Variants in SLC9A1 observed in about 807,000 individuals in gnomAD.
SLC9A1 encodes the protein solute carrier family 9 member A1.
In SLC9A1, 22 loss-of-function variants were observed where a neutral mutation model predicts 67.9. The ratio of observed to expected loss-of-function variants is 0.32; its 90% confidence interval spans 0.23 to 0.46. SLC9A1 has a LOEUF of 0.46. Among genes scored for constraint, SLC9A1 ranks in the 20% least tolerant of loss-of-function variants. SLC9A1 has a pLI of 1.00. For synonymous variants in SLC9A1, 421 were observed against 471.8 expected, an observed-to-expected ratio of 0.89 and a Z score of 1.40; for missense variants, 686 against 1,094.8, an observed-to-expected ratio of 0.63 and a Z score of 5.27.
intron 1 of SLC9A1, among the ~76,000 whole-genome samples, chr1:27,138,933 T>C (rs937174553): frequency 6.6e-6 from 1 of 152,042 alleles, no homozygotes. Context: ...CAGACAGCAG[T>C]GGAGCCGCAA....
intron 2 of SLC9A1, 76 bp downstream of exon 2, chr1:27,113,750 G>T: frequency 1.9e-6 from 2 of 1,072,364 alleles, no homozygotes; most frequent in Non-Finnish European, 2.8e-6. Flanking sequence ...ATTAGCGGGT[G>T]GATGAGGGAT....
At chr1:27,130,123 CAG>C (rs1367931786) in intron 1 of SLC9A1, among the ~76,000 whole-genome samples, 3 of 152,182 alleles carry the variant, frequency 2.0e-5, no homozygotes, top group Non-Finnish European at 2.9e-5. Flanking sequence ...TTTTTTGAGA[CAG>C]AGTCTCATTC....
rs1410740684 is a variant in SLC9A1, at chr1:27,137,221, A to G, written c.352+16762T>C. The stretch of plus-strand genomic sequence containing the variant: ...GGTGCTCAGAGGCAGGCTGAAAAGA[A>G]AGTGGGACAGGCAGGAGGCCGCCTC... On this transcript the variant is annotated intron_variant, in intron 1 of 11. Transcript: ENST00000263980. The surrounding 1 kb of genome is among the most constrained non-coding windows in gnomAD (Gnocchi z 4.6). 6.6e-6 allele frequency among the ~76,000 whole-genome samples: 1 copy of G among 152,248 alleles called. No individual in the cohort carries two copies. The highest frequency in any genetic ancestry group is 1.5e-5 in the Non-Finnish European group (1 of 68,040).
intron 1 of SLC9A1, among the ~76,000 whole-genome samples, chr1:27,138,163 C>T (rs997388493): frequency 1.3e-5 from 2 of 152,230 alleles, no homozygotes; most frequent in African/African-American, 4.8e-5. Flanking sequence ...CCCAGGCCCA[C>T]GGGCCTGGCA....
intron 1 of SLC9A1, among the ~76,000 whole-genome samples, chr1:27,146,308 T>G (rs1454647653): frequency 6.6e-6 from 1 of 152,156 alleles, no homozygotes; most frequent in African/African-American, 2.4e-5. Flanking sequence ...CACTCCTGTA[T>G]TTTTCTGCAT....
rs182384315 is a variant in SLC9A1 at position 27,101,856 on chromosome 1, G to A, written c.1936-30C>T. 1,177 of 1,558,578 alleles carry A rather than the reference G, an allele frequency of 7.6e-4. No homozygotes were observed. Among genetic ancestry groups the A allele is most frequent in the Non-Finnish European group, 9.3e-4 (1,050 of 1,132,750 alleles). ...GGGAGGGACAGCGTCAGGGCAGTGC[G>A]GGCCCCGGAAGGCTCTGCTCATGGA... On this transcript the variant is annotated intron_variant, in intron 9 of 11. Transcript: ENST00000263980. This position sits in a 1 kb window ranked among gnomAD's most constrained non-coding sequence, Gnocchi z 4.9.
rs189547133 is a variant in SLC9A1, at chr1:27,131,799, T to C, written c.353-17513A>G. ...ATGGTGGCACACCCCTATAATCCCATAATCTCAGCTACATGGGAGGCTGAG... is the reference window on the plus strand; with the variant it reads ...ATGGTGGCACACCCCTATAATCCCACAATCTCAGCTACATGGGAGGCTGAG... On this transcript the variant is annotated intron_variant, in intron 1 of 11. Transcript: ENST00000263980. Among the ~76,000 whole-genome samples the C allele has an allele frequency of 1.2e-3, 168 of 145,750 alleles. 1 individual carries two copies. Among genetic ancestry groups the C allele is most frequent in the African/African-American group, 4.0e-3 (161 of 40,242 alleles).
At position 27,101,137 on chromosome 1, in the gene SLC9A1, G is replaced by GAGCC. The variant is rs1570841255; in HGVS notation, c.2110+62_2110+65dup. 1.6e-6 allele frequency: 2 copies of GAGCC among 1,253,802 alleles called. No individual in the cohort carries two copies. The highest frequency in any genetic ancestry group is 4.7e-5 in the East Asian group (2 of 42,626). The allele number at this position is 1,253,802 out of a possible 1,614,324, so 77.7% of individuals were successfully genotyped here. A position where few individuals can be genotyped will look rare whatever the true frequency, so the allele number is the denominator to read the frequency against. On this transcript the variant is annotated intron_variant, in intron 11 of 11. Transcript: ENST00000263980. The surrounding 1 kb of genome is among the most constrained non-coding windows in gnomAD (Gnocchi z 4.9). The stretch of plus-strand genomic sequence containing the variant: ...CCAGTGGCTGAGGACTGTTCCTGTG[G>GAGCC]AGCCCCATCCTCAGGAGGTGGCAGC...
chr1:27,135,759 C>A (rs920491665), intron 1 of SLC9A1, among the ~76,000 whole-genome samples: 13 of 152,178 alleles, frequency 8.5e-5, no homozygotes, highest in Non-Finnish European at 1.6e-4. Context: ...TCATACGAGG[C>A]AACACCGAAC....
chr1:27,110,321 A>G (rs1211618550), intron 2 of SLC9A1, among the ~76,000 whole-genome samples: 1 of 152,124 alleles, frequency 6.6e-6, no homozygotes, highest in East Asian at 1.9e-4. Context: ...CGTTCACACA[A>G]TGAACTAGAA....
At chr1:27,140,966 G>T (rs560671669) in intron 1 of SLC9A1, among the ~76,000 whole-genome samples, 1 of 152,300 alleles carries the variant, frequency 6.6e-6, no homozygotes, top group African/African-American at 2.4e-5. Flanking sequence ...CCAGCAATTT[G>T]GGAGGACAAG....
At chr1:27,150,951 G>C (rs539486542) in intron 1 of SLC9A1, among the ~76,000 whole-genome samples, 1 of 152,316 alleles carries the variant, frequency 6.6e-6, no homozygotes, top group East Asian at 1.9e-4. Context: ...GGGGTGTTGA[G>C]AGAATAGGCA....
Position 27,155,106 on chromosome 1 carries a change from G to A in SLC9A1, c.-772C>T, listed in dbSNP as rs1041327703. On this transcript the variant is annotated 5_prime_UTR_variant, in exon 1 of 12. Coordinates refer to ENST00000263980, the MANE Select transcript of SLC9A1 (RefSeq NM_003047.5). This position sits in a 1 kb window ranked among gnomAD's most constrained non-coding sequence, Gnocchi z 4.5. ...CAGCTCCAGAACTAACCCTAGCCCC[G>A]GCCCCGGCGGCAGCAGACTGAAGCC... Among the ~76,000 whole-genome samples, 5 of 152,024 alleles carry A rather than the reference G, an allele frequency of 3.3e-5. No homozygotes were observed. Among genetic ancestry groups the A allele is most frequent in the African/African-American group, 9.7e-5 (4 of 41,414 alleles).
intron 1 of SLC9A1, among the ~76,000 whole-genome samples, chr1:27,125,003 C>T (rs1227850098): frequency 6.6e-6 from 1 of 152,028 alleles, no homozygotes; most frequent in East Asian, 1.9e-4. Flanking sequence ...CGTCCCCAAA[C>T]CTGCTCCTCA....
chr1:27,139,032 A>G (rs2083437593), intron 1 of SLC9A1, among the ~76,000 whole-genome samples: 3 of 152,176 alleles, frequency 2.0e-5, no homozygotes, highest in African/African-American at 4.8e-5. Flanking sequence ...GTTTGCCACC[A>G]GTCTGAGGAG....
At chr1:27,153,162 TCCC>T (rs1181712760) in intron 1 of SLC9A1, among the ~76,000 whole-genome samples, 1 of 151,720 alleles carries the variant, frequency 6.6e-6, no homozygotes, top group East Asian at 1.9e-4. Flanking sequence ...ATCCCTAGGC[TCCC>T]CCATCTACCT....
intron 1 of SLC9A1, among the ~76,000 whole-genome samples, chr1:27,150,996 CTG>C (rs984611542): frequency 1.6e-4 from 25 of 152,328 alleles, no homozygotes; most frequent in African/African-American, 5.8e-4. Flanking sequence ...TCTTGGGTAT[CTG>C]AGAGTGCAGA....
Position 27,114,346 on chromosome 1 carries a change from G to T in SLC9A1, c.353-60C>A. The T allele has an allele frequency of 1.4e-6, 2 of 1,422,332 alleles. No individual in the cohort carries two copies. The highest frequency in any genetic ancestry group is 1.4e-5 in the African/African-American group (1 of 70,792). 88.1% of individuals were successfully genotyped at this position (1,422,332 alleles called of 1,614,324 possible). ...TTCGGAGGAGCCAGGAGAATAGAAG[G>T]TTGGGGATGGGCCGGGGATGAGGAG... On this transcript the variant is annotated intron_variant, in intron 1 of 11. Transcript: ENST00000263980. The surrounding 1 kb of genome is among the most constrained non-coding windows in gnomAD (Gnocchi z 5.4).
intron 2 of SLC9A1, among the ~76,000 whole-genome samples, chr1:27,111,272 G>T (rs1468471526): frequency 6.6e-6 from 1 of 152,080 alleles, no homozygotes; most frequent in East Asian, 1.9e-4. Flanking sequence ...CCATGGAGTC[G>T]GCACAGAGGG....
Sources: gnomAD v4.1 joint callset for allele counts (sites outside exome capture counted in the v4.1 genomes callset) on GRCh38, gnomAD v4.1.1 for gene constraint, Gnocchi (gnomAD v3.1) non-coding constraint, MANE v1.5 for transcripts, NCBI Gene and HGNC (gene_info 2026-07-23, HGNC 2026-07-21) for gene names.